The following ZNF560 variants were observed in gnomAD, a reference collection of about 807,000 sequenced individuals.
ZNF560 encodes zinc finger protein 560.
ZNF560 carries 54 observed loss-of-function variants against 81.8 expected under a neutral mutation model. That is an observed-to-expected ratio of 0.66 (90% confidence interval 0.53 to 0.83). The LOEUF is 0.83. ZNF560 is among the 40% of genes least tolerant of loss of function. The pLI is 0.00. For missense variants in ZNF560, 940 were observed against 932.4 expected, an observed-to-expected ratio of 1.01 and a Z score of -0.11; for synonymous variants, 321 against 317.9, an observed-to-expected ratio of 1.01 and a Z score of -0.10.
At chr19:9,479,035 G>C (rs910987004) in intron 2 of ZNF560, among the ~76,000 whole-genome samples, 1 of 151,896 alleles carries the variant, frequency 6.6e-6, no homozygotes, top group African/African-American at 2.4e-5. Flanking sequence ...GCATGGTGAC[G>C]GGCACCTGTA....
At chr19:9,461,828 C>T (rs2112524), downstream of ZNF560, among the ~76,000 whole-genome samples, 23,370 of 152,162 alleles carry the variant, frequency 0.15, 2,625 homozygotes, top group African/African-American at 0.31. Flanking sequence ...AACTTGTCTT[C>T]GGATGTTGCA....
chr19:9,470,409 T>G lies in ZNF560; in HGVS notation c.431A>C (p.Lys144Thr). Residue 144 changes from lysine to threonine, a missense_variant, in exon 7 of 10, where the codon AAG becomes ACG. Transcript: ENST00000301480. Reference sequence around the variant, plus strand: ...AGACTTACCTACTGAGGACAGGTTCTTGTAGTTCTCCAGCATCACATCACT... The same window carrying G: ...AGACTTACCTACTGAGGACAGGTTCGTGTAGTTCTCCAGCATCACATCACT... Reference protein sequence around the residue: ...LYSDVMLENYKNLSSVGYQLF... With the variant: ...LYSDVMLENYTNLSSVGYQLF... 3 of 1,613,046 alleles carry G rather than the reference T, an allele frequency of 1.9e-6. No individual in the cohort carries two copies. Among genetic ancestry groups the G allele is most frequent in the Non-Finnish European group, 2.5e-6 (3 of 1,179,472 alleles).
At chr19:9,460,087 C>A in the ZNF560 span, among the ~76,000 whole-genome samples, 1 of 151,994 alleles carries the variant, frequency 6.6e-6, no homozygotes. Context: ...TGTGTTTCTC[C>A]AGGACAGAAT....
Position 9,470,441 on chromosome 19 carries a change from G to A in ZNF560, c.399C>T (p.Asn133=), listed in dbSNP as rs1414737661. Reference sequence around the variant, plus strand: ...TCTCCAGCATCACATCACTGTACAGGTTTCTCTGAGCTGGGTCCAGTAAAG... The same window carrying A: ...TCTCCAGCATCACATCACTGTACAGATTTCTCTGAGCTGGGTCCAGTAAAG... ...EWTLLDPAQR[N]LYSDVMLENY... Residue 133 remains asparagine (N), a synonymous_variant, in exon 7 of 10, where the codon AAC becomes AAT. Coordinates refer to ENST00000301480, the MANE Select transcript of ZNF560 (RefSeq NM_152476.3). The A allele has an allele frequency of 6.2e-7, 1 of 1,614,022 alleles. No homozygotes were observed. The highest frequency in any genetic ancestry group is 2.2e-5 in the East Asian group (1 of 44,884).
chr19:9,461,118 G>T, the ZNF560 span, among the ~76,000 whole-genome samples: 1 of 150,868 alleles, frequency 6.6e-6, no homozygotes, highest in South Asian at 2.1e-4. Context: ...ATAAGATCAA[G>T]ATTTGGGAAG....
the ZNF560 span, among the ~76,000 whole-genome samples, chr19:9,459,483 C>A: frequency 8.5e-4 from 130 of 152,188 alleles, no homozygotes; most frequent in Non-Finnish European, 1.6e-3. Flanking sequence ...TAAAGCCCTA[C>A]TATGTTGGGG....
At chr19:9,506,411 G>GTTTT in the ZNF560 span, among the ~76,000 whole-genome samples, 1 of 90,656 alleles carries the variant, frequency 1.1e-5, no homozygotes, top group Admixed American at 1.1e-4. Flanking sequence ...GCACGCTTCT[G>GTTTT]TTGTTTTTTT....
At chr19:9,463,540 G>A (rs190780706), downstream of ZNF560, among the ~76,000 whole-genome samples, 55 of 152,322 alleles carry the variant, frequency 3.6e-4, no homozygotes, top group African/African-American at 1.2e-3. Flanking sequence ...ACTAATCTGC[G>A]TCTTTTGTGT....
upstream of ZNF560, among the ~76,000 whole-genome samples, chr19:9,502,210 T>C (rs899029490): frequency 6.6e-5 from 10 of 151,636 alleles, no homozygotes; most frequent in African/African-American, 1.9e-4. Flanking sequence ...TGTTTCGGTT[T>C]GGTTTGGTTT....
rs74606312 is a variant in ZNF560, at chr19:9,490,374, A to G, written c.-57+7754T>C. Among the ~76,000 whole-genome samples the G allele has an allele frequency of 4.6e-4, 70 of 152,332 alleles. No homozygotes were observed. In the East Asian group the frequency reaches 0.013, roughly 27 times the overall value. ...AGTGGGTAGCACTTAACTATCAAAG[A>G]CAATGAGGCCACATCGAATGTCAAG... On this transcript the variant is annotated intron_variant, in intron 2 of 9. Transcript: ENST00000301480.
At chr19:9,475,795 A>G (rs1015570172) in intron 2 of ZNF560, among the ~76,000 whole-genome samples, 20 of 151,960 alleles carry the variant, frequency 1.3e-4, no homozygotes, top group African/African-American at 4.8e-4. Context: ...TTTAGTAGAG[A>G]TGGGGTTTCA....
At chr19:9,476,778 T>A (rs998493980) in intron 2 of ZNF560, among the ~76,000 whole-genome samples, 3 of 152,196 alleles carry the variant, frequency 2.0e-5, no homozygotes, top group African/African-American at 2.4e-5. Flanking sequence ...CTCTTTTCTT[T>A]ATAATTATCC....
the ZNF560 span, among the ~76,000 whole-genome samples, chr19:9,446,354 T>G: frequency 6.9e-6 from 1 of 144,358 alleles, no homozygotes; most frequent in African/African-American, 2.7e-5. Flanking sequence ...AGAACCAATT[T>G]TGCCAAGTCA....
intron 2 of ZNF560, among the ~76,000 whole-genome samples, chr19:9,490,471 A>G (rs945332439): frequency 6.6e-6 from 1 of 152,192 alleles, no homozygotes; most frequent in African/African-American, 2.4e-5. Context: ...AACTGATCAC[A>G]TTTCGTCACT....
rs1491133984 is a variant in ZNF560, at chr19:9,474,824, T to TTA, written c.30+459_30+460insTA. Among the ~76,000 whole-genome samples the TTA allele has an allele frequency of 1.4e-4, 4 of 29,202 alleles. No individual in the cohort carries two copies. In the East Asian group the frequency reaches 2.8e-3, roughly 20 times the overall value. The allele number at this position is 29,202 out of a possible 152,430, so 19.2% of individuals were successfully genotyped here. A position where few individuals can be genotyped will look rare whatever the true frequency, so the allele number is the denominator to read the frequency against. On this transcript the variant is annotated intron_variant, in intron 3 of 9. Transcript: ENST00000301480. ...CAGCCATGCACCACCATGCCTGGCA[T>TTA]TTTTTTTTTTTTTTTTTTTTTTTGT... is the stretch of plus-strand genomic sequence containing the variant.
Position 9,490,361 on chromosome 19 carries a change from TTAAC to T in ZNF560, c.-57+7763_-57+7766del, listed in dbSNP as rs1460503597. ...GTGCCAAAAACCAAGTGGGTAGCACTTAACTATCAAAGACAATGAGGCCACATCG... is the reference window on the plus strand; with the variant it reads ...GTGCCAAAAACCAAGTGGGTAGCACTTATCAAAGACAATGAGGCCACATCG... On this transcript the variant is annotated intron_variant, in intron 2 of 9. Coordinates refer to ENST00000301480, the MANE Select transcript of ZNF560 (RefSeq NM_152476.3). 5.9e-5 allele frequency among the ~76,000 whole-genome samples: 9 copies of T among 152,304 alleles called. No homozygotes were observed. The South Asian group carries it at 1.4e-3, about 25-fold the overall frequency.
rs943151022 is a variant in ZNF560, at chr19:9,488,634, C to T, written c.-57+9494G>A. ...CTCACACAACAAAAAAATTCCAACT[C>T]TGATAATATATCACAAGAAACCCAG... On this transcript the variant is annotated intron_variant, in intron 2 of 9. Coordinates refer to ENST00000301480, the MANE Select transcript of ZNF560 (RefSeq NM_152476.3). Among the ~76,000 whole-genome samples, 4 of 122,946 alleles carry T rather than the reference C, an allele frequency of 3.3e-5. No homozygotes were observed. The Admixed American group carries it at 3.3e-4, about 10-fold the overall frequency. The allele number at this position is 122,946 out of a possible 152,430, so 80.7% of individuals were successfully genotyped here.
At chr19:9,483,692 G>A (rs1291627113) in intron 2 of ZNF560, among the ~76,000 whole-genome samples, 23 of 148,130 alleles carry the variant, frequency 1.6e-4, no homozygotes, top group South Asian at 6.5e-4. Context: ...GCCTCCGCCC[G>A]GCCGCCGCCC....
At chr19:9,455,115 A>G in the ZNF560 span, among the ~76,000 whole-genome samples, 1 of 152,152 alleles carries the variant, frequency 6.6e-6, no homozygotes, top group Non-Finnish European at 1.5e-5. Context: ...AAGAGAGGGT[A>G]ATTTAGAGGC....
Sources: allele counts gnomAD v4.1 joint callset (sites outside exome capture counted in the v4.1 genomes callset), GRCh38; gene constraint gnomAD v4.1.1; transcripts MANE v1.5; gene names NCBI Gene and HGNC (gene_info 2026-07-23, HGNC 2026-07-21).